GALNT13: variants seen among roughly 807,000 people sequenced by gnomAD.
The protein encoded by GALNT13 is polypeptide N-acetylgalactosaminyltransferase 13, also known as UDP-GalNAc:polypeptide N-acetylgalactosaminyltransferase 13.
A neutral mutation model predicts 64.2 loss-of-function variants in GALNT13; 28 were observed. The ratio of observed to expected loss-of-function variants is 0.44; its 90% CI spans 0.32 to 0.60. The LOEUF (loss-of-function observed/expected upper bound fraction) is 0.60. GALNT13 is among the 20% of genes least tolerant of loss of function. The pLI is 0.05. For missense variants in GALNT13, 577 were observed against 669.8 expected (o/e 0.86, Z 1.53); for synonymous variants, 214 against 224.6 (o/e 0.95, Z 0.42).
chr2:154,354,934 G>T (rs1289072385), intron 9 of GALNT13, among the ~76,000 whole-genome samples: 1 of 124,178 alleles, frequency 8.1e-6, no homozygotes, highest in Non-Finnish European at 1.6e-5. Flanking sequence ...TGTTTTCTCT[G>T]ACACTAACTT....
chr2:153,797,684 G>A, the GALNT13 span, among the ~76,000 whole-genome samples: 1 of 152,108 alleles, frequency 6.6e-6, no homozygotes, highest in Non-Finnish European at 1.5e-5. Context: ...ATGAGAGGCT[G>A]GTACTCCTGT....
chr2:153,868,645 T>C (rs1038144117), upstream of GALNT13, among the ~76,000 whole-genome samples: 6 of 152,216 alleles, frequency 3.9e-5, no homozygotes, highest in African/African-American at 1.4e-4. Context: ...AGCGCCTTGG[T>C]TAATCACATA....
chr2:153,514,567 C>T, the GALNT13 span, among the ~76,000 whole-genome samples: 424 of 152,202 alleles, frequency 2.8e-3, 3 homozygotes, highest in African/African-American at 9.8e-3. Flanking sequence ...GGACCTTTTA[C>T]GGATGGGCAT....
At chr2:154,253,254 C>T (rs1690183877) in intron 7 of GALNT13, among the ~76,000 whole-genome samples, 2 of 152,144 alleles carry the variant, frequency 1.3e-5, no homozygotes, top group Admixed American at 6.5e-5. Context: ...ATTTGGCTGC[C>T]TCTTGGGGTC....
the GALNT13 span, among the ~76,000 whole-genome samples, chr2:153,583,197 A>G: frequency 6.6e-6 from 1 of 152,218 alleles, no homozygotes. Context: ...GATGCCAGGA[A>G]TAAATAAGCT....
At chr2:153,250,501 T>C in the GALNT13 span, among the ~76,000 whole-genome samples, 1 of 152,198 alleles carries the variant, frequency 6.6e-6, no homozygotes, top group Non-Finnish European at 1.5e-5. Context: ...GAACCAGAAA[T>C]ACCATTTGAT....
At chr2:153,724,441 C>CAAAAAAGAA in the GALNT13 span, among the ~76,000 whole-genome samples, 1 of 113,998 alleles carries the variant, frequency 8.8e-6, no homozygotes, top group Non-Finnish European at 1.7e-5. Context: ...CAACCAAAGC[C>CAAAAAAGAA]AAAATTGACA....
chr2:153,891,320 A>C (rs1267153382), intron 1 of GALNT13, among the ~76,000 whole-genome samples: 1 of 152,042 alleles, frequency 6.6e-6, no homozygotes, highest in East Asian at 1.9e-4. Flanking sequence ...AGGATAGTTG[A>C]AACTGCCTTT....
chr2:153,176,364 A>G, the GALNT13 span, among the ~76,000 whole-genome samples: 1 of 152,164 alleles, frequency 6.6e-6, no homozygotes, highest in Non-Finnish European at 1.5e-5. Context: ...AGATTGAAAG[A>G]GACAATAAAG....
In GALNT13 at chr2:154,292,166, C is replaced by G. The variant is rs147347510; in HGVS notation, c.976-9243C>G. On this transcript the variant is annotated intron_variant, in intron 8 of 12. Transcript: ENST00000392825. ...AGTAGTCTGGCATGTACGGGTCTTT[C>G]ATCTGGATTTTGGCTTTCTCTTGGA... is the stretch of plus-strand genomic sequence containing the variant. Among the ~76,000 whole-genome samples, 22 of 152,168 alleles carry G rather than the reference C, an allele frequency of 1.4e-4. No homozygotes were observed. The East Asian group carries it at 4.3e-3, about 29-fold the overall frequency.
chr2:154,350,690 C>T (rs1005393488), intron 9 of GALNT13, among the ~76,000 whole-genome samples: 3 of 152,152 alleles, frequency 2.0e-5, no homozygotes, highest in African/African-American at 4.8e-5. Flanking sequence ...CTGACTAATA[C>T]ACTCCCTACT....
intron 9 of GALNT13, among the ~76,000 whole-genome samples, chr2:154,309,495 G>A (rs1217336028): frequency 6.6e-6 from 1 of 152,164 alleles, no homozygotes; most frequent in Non-Finnish European, 1.5e-5. Flanking sequence ...TCTGGTGAGG[G>A]CCTTGTGCCA....
the GALNT13 span, among the ~76,000 whole-genome samples, chr2:153,623,802 TA>T: frequency 6.6e-6 from 1 of 152,080 alleles, no homozygotes; most frequent in Non-Finnish European, 1.5e-5. Flanking sequence ...GTTTCCTACT[TA>T]TTTTTTTATA....
At chr2:154,170,051 TTA>T (rs1685267153) in intron 4 of GALNT13, among the ~76,000 whole-genome samples, 1 of 152,196 alleles carries the variant, frequency 6.6e-6, no homozygotes, top group Admixed American at 6.5e-5. Flanking sequence ...TATTTTCTTA[TTA>T]CCAGCTTAGT....
At chr2:153,153,623 C>G in the GALNT13 span, among the ~76,000 whole-genome samples, 1 of 150,700 alleles carries the variant, frequency 6.6e-6, no homozygotes, top group African/African-American at 2.4e-5. Flanking sequence ...AGCCAATTAT[C>G]CCAGCAGAAT....
intron 9 of GALNT13, among the ~76,000 whole-genome samples, chr2:154,324,650 G>A (rs950803935): frequency 3.3e-5 from 5 of 152,224 alleles, no homozygotes; most frequent in African/African-American, 9.6e-5. Flanking sequence ...TACAAGGAAA[G>A]TAGGTTGCAG....
the GALNT13 span, among the ~76,000 whole-genome samples, chr2:153,220,099 A>G: frequency 1.3e-5 from 2 of 152,164 alleles, no homozygotes; most frequent in Non-Finnish European, 2.9e-5. Context: ...TAGGCTACAT[A>G]TTAACAAAGC....
chr2:153,171,696 CAGAA>C, the GALNT13 span, among the ~76,000 whole-genome samples: 1 of 152,092 alleles, frequency 6.6e-6, no homozygotes, highest in Non-Finnish European at 1.5e-5. Context: ...GATGGCAAGG[CAGAA>C]AGAAGTAAGA....
chr2:153,597,485 A>G, the GALNT13 span, among the ~76,000 whole-genome samples: 1 of 152,166 alleles, frequency 6.6e-6, no homozygotes, highest in Non-Finnish European at 1.5e-5. Context: ...AAATTCACTC[A>G]AAATGAATTC....
Sources: gnomAD v4.1 joint callset for allele counts (sites outside exome capture counted in the v4.1 genomes callset) on GRCh38, gnomAD v4.1.1 for gene constraint, MANE v1.5 for transcripts, NCBI Gene and HGNC (gene_info 2026-07-23, HGNC 2026-07-21) for gene names.